Variants in MYO1D observed in about 807,000 individuals in gnomAD.
MYO1D encodes myosin ID, also known as unconventional myosin-Id.
A neutral mutation model predicts 122.0 loss-of-function variants in MYO1D; 83 were observed. The ratio of observed to expected loss-of-function variants is 0.68; its 90% CI spans 0.57 to 0.82. MYO1D has a LOEUF of 0.82. Ranked by LOEUF, MYO1D falls within the 40% of genes least tolerant of loss-of-function variation. The probability of loss-of-function intolerance (pLI) is 0.00; values close to 1 mark genes in which losing one functional copy is unlikely to be tolerated. For synonymous variants in MYO1D, 464 were observed against 446.9 expected, an observed-to-expected ratio of 1.04 and a Z score of -0.48; for missense variants, 1,157 against 1,269.5, an observed-to-expected ratio of 0.91 and a Z score of 1.35.
intron 21 of MYO1D, among the ~76,000 whole-genome samples, chr17:32,545,782 TTTG>T (rs1373361105): frequency 1.3e-5 from 2 of 149,434 alleles, no homozygotes; most frequent in African/African-American, 5.1e-5. Flanking sequence ...TTTTTTTTTT[TTTG>T]GGGTTCCACA....
chr17:32,793,539 CAT>C (rs1371392036), intron 1 of MYO1D, among the ~76,000 whole-genome samples: 1 of 152,192 alleles, frequency 6.6e-6, no homozygotes, highest in Non-Finnish European at 1.5e-5. Flanking sequence ...ATAATCTCCA[CAT>C]AGACAGTTCT....
Position 32,659,328 on chromosome 17 carries a change from C to A in MYO1D, c.2132G>T (p.Gly711Val). The change falls in exon 17 of 22, where the codon GGC (glycine) becomes GTC (valine). Residue 711 changes from glycine to valine, a missense_variant. Transcript: ENST00000318217. ...IVLFLQKVWR[G>V]TLARMRYKRT... ...TTTGTACCGCATGCGGGCCAGGGTG[C>A]CCCGCCACACCTTCACAATAGAGAA... The A allele has an allele frequency of 1.2e-6, 2 of 1,613,974 alleles. No homozygotes were observed. Among genetic ancestry groups the A allele is most frequent in the Non-Finnish European group, 1.7e-6 (2 of 1,179,950 alleles).
chr17:32,808,381 A>G (rs1025953684), intron 1 of MYO1D, among the ~76,000 whole-genome samples: 1 of 152,062 alleles, frequency 6.6e-6, no homozygotes, highest in Non-Finnish European at 1.5e-5. Flanking sequence ...AAAAAAAAAA[A>G]AAAAGTAAAT....
intron 21 of MYO1D, among the ~76,000 whole-genome samples, chr17:32,585,980 G>A (rs2150903449): frequency 6.6e-6 from 1 of 152,238 alleles, no homozygotes; most frequent in South Asian, 2.1e-4. Context: ...AGAAAAGGAG[G>A]CTTGGAATAA....
intron 20 of MYO1D, among the ~76,000 whole-genome samples, chr17:32,624,469 T>C (rs1179377845): frequency 6.6e-6 from 1 of 152,302 alleles, no homozygotes; most frequent in African/African-American, 2.4e-5. Context: ...GCCATTCTAA[T>C]GTGCAGCTAA....
At chr17:32,770,290 C>T (rs1194986375) in intron 6 of MYO1D, among the ~76,000 whole-genome samples, 1 of 151,902 alleles carries the variant, frequency 6.6e-6, no homozygotes, top group Non-Finnish European at 1.5e-5. Flanking sequence ...GATCTTTTTC[C>T]TTTACAGTTT....
At position 32,849,813 on chromosome 17, in the gene MYO1D, T is replaced by TAA. The variant is rs11376691; in HGVS notation, c.95+26963_95+26964dup. On this transcript the variant is annotated intron_variant, in intron 1 of 21. Coordinates refer to ENST00000318217, the MANE Select transcript of MYO1D (RefSeq NM_015194.3). ...ATGTACCCTAAAACTTAAAGTATAA[T>TAA]AAAAAAAAATTAAGTGTTTTCATCT... 2.5e-3 allele frequency among the ~76,000 whole-genome samples: 381 copies of TAA among 151,582 alleles called. 3 individuals carry two copies. The highest frequency in any genetic ancestry group is 8.6e-3 in the African/African-American group (357 of 41,304).
intron 1 of MYO1D, among the ~76,000 whole-genome samples, chr17:32,818,691 G>T (rs971021152): frequency 6.6e-6 from 1 of 152,296 alleles, no homozygotes; most frequent in South Asian, 2.1e-4. Flanking sequence ...TTGCTATAGC[G>T]ATCTTGGGCA....
intron 1 of MYO1D, among the ~76,000 whole-genome samples, chr17:32,837,630 T>C (rs996354148): frequency 1.3e-5 from 2 of 152,194 alleles, no homozygotes; most frequent in African/African-American, 4.8e-5. Context: ...ATTACTGAAT[T>C]AATGTACACA....
intron 21 of MYO1D, among the ~76,000 whole-genome samples, chr17:32,604,742 A>G (rs894779691): frequency 1.3e-5 from 2 of 152,252 alleles, no homozygotes; most frequent in African/African-American, 4.8e-5. Context: ...ACACAAACTG[A>G]TTATACTTGG....
At chr17:32,639,362 TTTGTGTGTGTGTGTGTGTG>T (rs1015636146) in intron 19 of MYO1D, among the ~76,000 whole-genome samples, 1 of 91,150 alleles carries the variant, frequency 1.1e-5, no homozygotes, top group African/African-American at 5.5e-5. Flanking sequence ...TGGGAGAAAT[TTTGTGTGTGTGTGTGTGTG>T]TGTGTGTGTG....
At chr17:32,554,735 A>G (rs930802570) in intron 21 of MYO1D, among the ~76,000 whole-genome samples, 6 of 152,096 alleles carry the variant, frequency 3.9e-5, no homozygotes, top group African/African-American at 1.4e-4. Context: ...ACACCAAAAG[A>G]AAAAAAATCA....
chr17:32,846,706 G>A (rs1200088238), intron 1 of MYO1D, among the ~76,000 whole-genome samples: 3 of 152,200 alleles, frequency 2.0e-5, no homozygotes, highest in African/African-American at 7.2e-5. Flanking sequence ...AGGCACAGGA[G>A]TGATAACTGA....
chr17:32,725,812 A>G (rs2089565221), intron 14 of MYO1D, among the ~76,000 whole-genome samples: 3 of 152,134 alleles, frequency 2.0e-5, no homozygotes, highest in Admixed American at 6.5e-5. Context: ...ACACCTAAGC[A>G]CATCATAGTG....
intron 21 of MYO1D, among the ~76,000 whole-genome samples, chr17:32,581,519 T>C (rs553109171): frequency 1.5e-3 from 227 of 151,640 alleles, no homozygotes; most frequent in African/African-American, 5.2e-3. Context: ...CCTTTTCCTT[T>C]TCTCTCTCTC....
chr17:32,746,587 T>C (rs2089840638), intron 12 of MYO1D, among the ~76,000 whole-genome samples: 2 of 152,216 alleles, frequency 1.3e-5, no homozygotes, highest in South Asian at 4.1e-4. Context: ...TGTTTTCATG[T>C]GTAAAAATAA....
At chr17:32,539,604 C>T (rs1910775982) in intron 21 of MYO1D, among the ~76,000 whole-genome samples, 1 of 152,190 alleles carries the variant, frequency 6.6e-6, no homozygotes, top group Admixed American at 6.5e-5. Flanking sequence ...TAGTCTCTGC[C>T]TCTGTCTTCC....
intron 1 of MYO1D, among the ~76,000 whole-genome samples, chr17:32,794,683 A>C (rs1485990023): frequency 6.6e-6 from 1 of 152,122 alleles, no homozygotes; most frequent in Non-Finnish European, 1.5e-5. Flanking sequence ...GGAGGGAAGC[A>C]GCAGTGTTTG....
At chr17:32,835,591 T>C (rs1388817604) in intron 1 of MYO1D, among the ~76,000 whole-genome samples, 1 of 152,224 alleles carries the variant, frequency 6.6e-6, no homozygotes, top group Non-Finnish European at 1.5e-5. Context: ...TTACTGGTTC[T>C]GCTTGAGATC....
Sources: gnomAD v4.1 joint callset for allele counts (sites outside exome capture counted in the v4.1 genomes callset) on GRCh38, gnomAD v4.1.1 for gene constraint, MANE v1.5 for transcripts, NCBI Gene and HGNC (gene_info 2026-07-23, HGNC 2026-07-21) for gene names.